KIAA1671: variants seen among roughly 807,000 people sequenced by gnomAD.
KIAA1671 encodes KIAA1671.
A neutral mutation model predicts 131.2 loss-of-function variants in KIAA1671; 52 were observed. The ratio of observed to expected loss-of-function variants is 0.40; its 90% CI spans 0.32 to 0.50. The LOEUF is 0.50. Among genes scored for constraint, KIAA1671 ranks in the 20% least tolerant of loss-of-function variants. The probability of loss-of-function intolerance (pLI) is 0.73; values close to 1 mark genes in which losing one functional copy is unlikely to be tolerated. For missense variants in KIAA1671, 2,360 were observed against 2,364.2 expected (o/e 1.00, Z 0.04); for synonymous variants, 1,003 against 961.6 (o/e 1.04, Z -0.80).
chr22:24,977,991 GCCA>G (rs1428150710), intron 1 of KIAA1671, among the ~76,000 whole-genome samples: 4 of 152,216 alleles, frequency 2.6e-5, no homozygotes, highest in Admixed American at 2.0e-4. Flanking sequence ...AATGATCATG[GCCA>G]CCACCACCGT....
At chr22:25,081,560 C>T (rs1332879746) in intron 6 of KIAA1671, among the ~76,000 whole-genome samples, 10 of 151,872 alleles carry the variant, frequency 6.6e-5, no homozygotes, top group Admixed American at 5.2e-4. Flanking sequence ...GGAATGACTT[C>T]TCGATTGAGG....
intron 6 of KIAA1671, among the ~76,000 whole-genome samples, chr22:25,101,166 C>T (rs760571816): frequency 7.9e-5 from 12 of 152,232 alleles, no homozygotes; most frequent in Non-Finnish European, 1.5e-4. Context: ...CAGCAGAGCT[C>T]CCCTCCTCTT....
chr22:25,057,361 A>G (rs1927899255), intron 6 of KIAA1671: 1 of 152,184 alleles, frequency 6.6e-6, no homozygotes, highest in Non-Finnish European at 1.5e-5. Context: ...CTGGATGCCG[A>G]CCGGCCCGCA....
intron 6 of KIAA1671, among the ~76,000 whole-genome samples, chr22:25,145,945 GAA>G (rs11337979): frequency 1.0e-3 from 137 of 135,122 alleles, no homozygotes; most frequent in African/African-American, 2.9e-3. Flanking sequence ...ATCTCTAAAA[GAA>G]AAAAAAAAAA....
intron 6 of KIAA1671, among the ~76,000 whole-genome samples, chr22:25,084,291 A>G (rs1929577099): frequency 6.6e-6 from 1 of 152,100 alleles, no homozygotes; most frequent in African/African-American, 2.4e-5. Context: ...CCTGGCCAAC[A>G]TGGTGACACT....
chr22:25,140,370 C>CT (rs887501069), intron 6 of KIAA1671, among the ~76,000 whole-genome samples: 75 of 151,280 alleles, frequency 5.0e-4, no homozygotes, highest in Non-Finnish European at 4.4e-4. Flanking sequence ...AGGGTTTTCT[C>CT]TTTTTTTTTC....
rs73159930 is a variant in KIAA1671, at chr22:25,109,047, T to C, written c.4530+59683T>C. On this transcript the variant is annotated intron_variant, in intron 6 of 12. Coordinates refer to ENST00000358431, the MANE Select transcript of KIAA1671 (RefSeq NM_001145206.2). Reference sequence around the variant, plus strand: ...GCGGCTGGCTTTCCCCAGTATGACCTCAGAGAAGAAGGTAGAAACCATGAT... The same window carrying C: ...GCGGCTGGCTTTCCCCAGTATGACCCCAGAGAAGAAGGTAGAAACCATGAT... Among the ~76,000 whole-genome samples, 1,121 of 152,162 alleles carry C rather than the reference T, an allele frequency of 7.4e-3. 3 individuals are homozygous for C. The highest frequency in any genetic ancestry group is 0.014 in the Non-Finnish European group (919 of 68,014).
intron 6 of KIAA1671, among the ~76,000 whole-genome samples, chr22:25,098,286 C>G (rs1053450495): frequency 6.6e-6 from 1 of 152,022 alleles, no homozygotes; most frequent in African/African-American, 2.4e-5. Context: ...TTCTTCCATC[C>G]CCTCCCCTCC....
chr22:25,151,503 A>T (rs1933043734), intron 6 of KIAA1671, among the ~76,000 whole-genome samples: 1 of 144,744 alleles, frequency 6.9e-6, no homozygotes, highest in Non-Finnish European at 1.5e-5. Context: ...GGTGCAATCT[A>T]AGGTCACTGC....
intron 1 of KIAA1671, among the ~76,000 whole-genome samples, chr22:24,965,938 CAT>C (rs1922282846): frequency 2.0e-5 from 3 of 152,144 alleles, no homozygotes; most frequent in African/African-American, 7.2e-5. Flanking sequence ...GTTCCTCTGA[CAT>C]AGATTTTGTG....
intron 11 of KIAA1671, 40 bp from the exon 12 acceptor site, chr22:25,190,662 T>C (rs1412080342): frequency 2.0e-6 from 3 of 1,508,624 alleles, no homozygotes; most frequent in East Asian, 4.9e-5. Flanking sequence ...GAGCCCACAG[T>C]CTGGTTTCAA....
At chr22:24,953,497 C>T (rs756103165) in intron 1 of KIAA1671, among the ~76,000 whole-genome samples, 3 of 152,040 alleles carry the variant, frequency 2.0e-5, no homozygotes, top group Non-Finnish European at 4.4e-5. Flanking sequence ...CCTGCGCCCC[C>T]CCTCCGCTCG....
chr22:25,041,370 C>T lies in KIAA1671; in HGVS notation c.4240C>T (p.Pro1414Ser), dbSNP rs1602091335. 2.6e-6 allele frequency: 4 copies of T among 1,551,684 alleles called. No individual in the cohort carries two copies. The highest frequency in any genetic ancestry group is 3.5e-6 in the Non-Finnish European group (4 of 1,146,982). Residue 1414 changes from proline (P) to serine (S), a missense_variant, in exon 5 of 13, where the codon CCC becomes TCC. Physicochemically the swap from Pro to Ser is moderately conservative, Grantham distance 74. Around this residue, in one of 3 missense-constraint regions of KIAA1671, gnomAD observed 1,161 missense variants for 1,204.7 expected, o/e 0.96. Coordinates refer to ENST00000358431, the MANE Select transcript of KIAA1671 (RefSeq NM_001145206.2). ...DIKRAYSEKG[P>S]PANIREGLSI... The stretch of plus-strand genomic sequence containing the variant: ...CAAGAGGGCCTACTCAGAGAAGGGG[C>T]CCCCTGCCAACATCCGAGAGGGCCT...
Position 25,029,423 on chromosome 22 carries a change from G to T in KIAA1671, c.1424G>T (p.Gly475Val), listed in dbSNP as rs1354758691. ...TCGGCGGCACCAGAGCCGGAGAAAG[G>T]GGTTGTGAGCGTTCAGGAACGGATC... ...SPSAAPEPEK[G>V]VVSVQERIRG... is the part of the protein sequence containing the mutation. The change falls in exon 3 of 13, where the codon GGG becomes GTG. Residue 475 changes from glycine to valine, a missense_variant. Around this residue, in one of 3 missense-constraint regions of KIAA1671, gnomAD observed 1,185 missense variants for 1,126.2 expected, o/e 1.05. Coordinates refer to ENST00000358431, the MANE Select transcript of KIAA1671 (RefSeq NM_001145206.2). 9.0e-6 allele frequency: 14 copies of T among 1,551,344 alleles called. No homozygotes were observed. The highest frequency in any genetic ancestry group is 1.2e-5 in the Non-Finnish European group (14 of 1,146,870).
intron 6 of KIAA1671, among the ~76,000 whole-genome samples, chr22:25,126,135 A>G (rs188124762): frequency 6.6e-6 from 1 of 152,228 alleles, no homozygotes. Flanking sequence ...TGGTGTTTGG[A>G]AGTACTCTTC....
chr22:25,132,562 T>G (rs1932491577), intron 6 of KIAA1671, among the ~76,000 whole-genome samples: 2 of 152,160 alleles, frequency 1.3e-5, no homozygotes. Context: ...TACGTGAGAT[T>G]CATGTGAATG....
intron 6 of KIAA1671, chr22:25,059,431 AAGATCACACCACTGCAC>A (rs1314285288): frequency 2.0e-5 from 3 of 151,398 alleles, no homozygotes; most frequent in African/African-American, 7.3e-5. Flanking sequence ...GCAGTGAGCC[AAGATCACACCACTGCAC>A]TCCAGCCCTG....
At chr22:24,995,588 G>A (rs539775587) in intron 1 of KIAA1671, among the ~76,000 whole-genome samples, 1 of 150,806 alleles carries the variant, frequency 6.6e-6, no homozygotes, top group East Asian at 2.0e-4. Flanking sequence ...TCCAACTCCT[G>A]AGCTCAAGCA....
rs1984375577 is a variant in KIAA1671 at position 25,056,295 on chromosome 22, T to C, written c.4530+6931T>C. 2.0e-5 allele frequency: 3 copies of C among 147,162 alleles called. 1 individual carries two copies. The highest frequency in any genetic ancestry group is 1.3e-4 in the Admixed American group (2 of 14,846). The allele number at this position is 147,162 out of a possible 1,614,324, so 9.1% of individuals were successfully genotyped here. ...CTTTGATGCACAAAATTTATAACTT[T>C]GATGAAGTTTGATGACGCCCAACTT... On this transcript the variant is annotated intron_variant, in intron 6 of 12. Transcript: ENST00000358431.
Sources: allele counts gnomAD v4.1 joint callset (sites outside exome capture counted in the v4.1 genomes callset), GRCh38; gene constraint gnomAD v4.1.1; regional missense constraint gnomAD v4.1.1; transcripts MANE v1.5; gene names NCBI Gene and HGNC (gene_info 2026-07-23, HGNC 2026-07-21).